LRP1B: variants seen among roughly 807,000 people sequenced by gnomAD.
LRP1B encodes the protein low-density lipoprotein receptor-related protein 1B.
In LRP1B, 217 loss-of-function variants were observed where a neutral mutation model predicts 556.6. The observed-to-expected ratio is 0.39, with a 90% CI of 0.35 to 0.44. The LOEUF (loss-of-function observed/expected upper bound fraction) is 0.44. Among genes scored for constraint, LRP1B ranks in the 20% least tolerant of loss-of-function variants. LRP1B has a pLI of 1.00. For missense variants in LRP1B, 5,053 were observed against 5,620.8 expected (o/e 0.90, Z 3.23); for synonymous variants, 2,047 against 1,865.8 (o/e 1.10, Z -2.50).
chr2:141,794,113 T>G (rs933992284), intron 2 of LRP1B, among the ~76,000 whole-genome samples: 1 of 151,916 alleles, frequency 6.6e-6, no homozygotes, highest in Non-Finnish European at 1.5e-5. Flanking sequence ...AGAAGGAATA[T>G]TTTAGTCTAG....
chr2:141,429,176 C>G (rs1573935851), intron 3 of LRP1B, among the ~76,000 whole-genome samples: 1 of 152,194 alleles, frequency 6.6e-6, no homozygotes, highest in East Asian at 1.9e-4. Flanking sequence ...GTTGTTTCTG[C>G]CCAGTGATTT....
chr2:140,324,333 G>T (rs540536297), intron 80 of LRP1B, among the ~76,000 whole-genome samples: 1 of 151,794 alleles, frequency 6.6e-6, no homozygotes, highest in Non-Finnish European at 1.5e-5. Context: ...CATTTTCTGG[G>T]GGTTATTATT....
intron 52 of LRP1B, among the ~76,000 whole-genome samples, chr2:140,509,537 A>T (rs1424281043): frequency 2.0e-5 from 3 of 152,184 alleles, no homozygotes; most frequent in African/African-American, 7.2e-5. Flanking sequence ...AGGATCAGAG[A>T]AGTCATTCAC....
chr2:142,110,744 T>G (rs1435472242), intron 1 of LRP1B, among the ~76,000 whole-genome samples: 2 of 152,118 alleles, frequency 1.3e-5, no homozygotes, highest in Non-Finnish European at 2.9e-5. Flanking sequence ...TTCACCAGAT[T>G]ATAAAGGACA....
chr2:142,025,340 C>T (rs991922618), intron 1 of LRP1B, among the ~76,000 whole-genome samples: 3 of 152,194 alleles, frequency 2.0e-5, no homozygotes, highest in African/African-American at 7.2e-5. Context: ...GTAAGACACA[C>T]TTACCGAAAA....
At position 141,484,266 on chromosome 2, in the gene LRP1B, T is replaced by C. The variant is rs531998024; in HGVS notation, c.206-3733A>G. Among the ~76,000 whole-genome samples, 780 of 148,400 alleles carry C rather than the reference T, an allele frequency of 5.3e-3. 9 individuals are homozygous for C. Among genetic ancestry groups the C allele is most frequent in the African/African-American group, 0.018 (736 of 40,616 alleles). On this transcript the variant is annotated intron_variant, in intron 2 of 90. Coordinates refer to ENST00000389484, the MANE Select transcript of LRP1B (RefSeq NM_018557.3). The stretch of plus-strand genomic sequence containing the variant: ...TTTGTCAGGTTTGTCAAAGATCAGA[T>C]AGTTGTAGATATGTGGCATTATTTC...
At chr2:141,981,530 G>A (rs1410825499) in intron 1 of LRP1B, among the ~76,000 whole-genome samples, 1 of 152,062 alleles carries the variant, frequency 6.6e-6, no homozygotes, top group Admixed American at 6.6e-5. Context: ...TTGATTAGGA[G>A]TTGGCATTTT....
At chr2:141,174,876 A>C (rs1057178558) in intron 7 of LRP1B, among the ~76,000 whole-genome samples, 3 of 152,180 alleles carry the variant, frequency 2.0e-5, no homozygotes, top group Admixed American at 2.0e-4. Flanking sequence ...TGAAAGAAAA[A>C]TGCTTATAAC....
intron 1 of LRP1B, among the ~76,000 whole-genome samples, chr2:141,967,703 G>A (rs956076767): frequency 6.6e-6 from 1 of 151,714 alleles, no homozygotes; most frequent in African/African-American, 2.4e-5. Context: ...ATATCAGCTG[G>A]ATTTTAATAG....
intron 31 of LRP1B, among the ~76,000 whole-genome samples, chr2:140,823,927 T>C (rs568764716): frequency 3.2e-4 from 49 of 151,934 alleles, no homozygotes; most frequent in Non-Finnish European, 6.2e-4. Flanking sequence ...GACACTGGAT[T>C]CTACTTGAGG....
chr2:141,544,361 C>CTT lies in LRP1B; in HGVS notation c.206-63830_206-63829dup, dbSNP rs1418071170. ...TCTTCTTCTTCTTCTTCTTCTTCTT[C>CTT]TTCTTCTTCTTCTTCTTCTTCTCCT... On this transcript the variant is annotated intron_variant, in intron 2 of 90. Coordinates refer to ENST00000389484, the MANE Select transcript of LRP1B (RefSeq NM_018557.3). Among the ~76,000 whole-genome samples, 162 of 98,182 alleles carry CTT rather than the reference C, an allele frequency of 1.6e-3. 1 individual carries two copies. Among genetic ancestry groups the CTT allele is most frequent in the East Asian group, 2.2e-3 (6 of 2,690 alleles). 64.4% of individuals were successfully genotyped at this position (98,182 alleles called of 152,430 possible).
intron 1 of LRP1B, among the ~76,000 whole-genome samples, chr2:141,849,740 T>C (rs1339452109): frequency 1.3e-5 from 2 of 151,660 alleles, no homozygotes; most frequent in Non-Finnish European, 3.0e-5. Context: ...ATACATACCG[T>C]AAAATTTCTA....
intron 2 of LRP1B, among the ~76,000 whole-genome samples, chr2:141,489,095 C>T (rs1047819930): frequency 1.4e-5 from 2 of 146,862 alleles, no homozygotes; most frequent in African/African-American, 5.0e-5. Flanking sequence ...CCCACCTCAG[C>T]CTCCCATGAT....
At chr2:140,421,095 A>C (rs527807973) in intron 66 of LRP1B, among the ~76,000 whole-genome samples, 35 of 152,196 alleles carry the variant, frequency 2.3e-4, no homozygotes, top group African/African-American at 7.7e-4. Flanking sequence ...ATATCTGCTA[A>C]AAATACAAAA....
At chr2:142,076,964 G>A (rs1323492815) in intron 1 of LRP1B, among the ~76,000 whole-genome samples, 2 of 152,002 alleles carry the variant, frequency 1.3e-5, no homozygotes, top group African/African-American at 4.8e-5. Flanking sequence ...AAGATACAGT[G>A]TGTCACAGAA....
At chr2:141,262,536 C>T (rs1351007076) in intron 3 of LRP1B, among the ~76,000 whole-genome samples, 1 of 152,074 alleles carries the variant, frequency 6.6e-6, no homozygotes, top group Non-Finnish European at 1.5e-5. Flanking sequence ...GCCTATACTT[C>T]TTCTAGAAAT....
chr2:141,962,382 T>G (rs1701425816), intron 1 of LRP1B, among the ~76,000 whole-genome samples: 1 of 151,802 alleles, frequency 6.6e-6, no homozygotes, highest in East Asian at 1.9e-4. Flanking sequence ...CCTGACTTGT[T>G]AAAAAAGCTA....
chr2:140,838,061 T>C (rs1309467311), intron 31 of LRP1B, among the ~76,000 whole-genome samples: 1 of 152,122 alleles, frequency 6.6e-6, no homozygotes, highest in Non-Finnish European at 1.5e-5. Context: ...TGTTAGGCCT[T>C]TTATTAAAAA....
chr2:140,361,365 T>TATATATATATATATATAC (rs1553454147), intron 72 of LRP1B, among the ~76,000 whole-genome samples: 2 of 130,716 alleles, frequency 1.5e-5, no homozygotes. Context: ...TATATATATA[T>TATATATATATATATATAC]ATATATATAT....
Sources: allele counts gnomAD v4.1 joint callset (sites outside exome capture counted in the v4.1 genomes callset), GRCh38; gene constraint gnomAD v4.1.1; transcripts MANE v1.5; gene names NCBI Gene and HGNC (gene_info 2026-07-23, HGNC 2026-07-21).